Variants in FRMPD4 observed in about 807,000 individuals in gnomAD.
FRMPD4 encodes the protein FERM and PDZ domain-containing protein 4.
In FRMPD4, 22 loss-of-function variants were observed where a neutral mutation model predicts 94.1. That is an observed-to-expected ratio of 0.23 (90% CI 0.17 to 0.33). The LOEUF (loss-of-function observed/expected upper bound fraction) is 0.33. Among genes scored for constraint, FRMPD4 ranks in the 10% least tolerant of loss-of-function variants. The probability of loss-of-function intolerance (pLI) is 1.00; values close to 1 mark genes in which losing one functional copy is unlikely to be tolerated. For synonymous variants in FRMPD4, 631 were observed against 548.6 expected (o/e 1.15, Z -2.10); for missense variants, 1,111 against 1,339.9 (o/e 0.83, Z 2.67).
At chrX:11,854,076 A>T (rs1356265007) in intron 1 of FRMPD4, among the ~76,000 whole-genome samples, 1 of 112,046 alleles carries the variant, frequency 8.9e-6, no homozygotes, top group Non-Finnish European at 1.9e-5. Flanking sequence ...GGCCTCAGGA[A>T]ACTTACAATC....
intron 3 of FRMPD4, among the ~76,000 whole-genome samples, chrX:11,933,268 G>A (rs752467710): frequency 8.9e-6 from 1 of 112,032 alleles, no homozygotes; most frequent in Non-Finnish European, 1.9e-5. Flanking sequence ...CCTCTTTAAA[G>A]ATTTCTCACC....
At chrX:11,885,392 G>A (rs959113283) in intron 3 of FRMPD4, among the ~76,000 whole-genome samples, 15 of 110,696 alleles carry the variant, frequency 1.4e-4, no homozygotes, top group Non-Finnish European at 1.5e-4. Context: ...AGGGGCTGGG[G>A]GGTGGAAGAA....
chrX:12,389,170 A>G (rs138157705), intron 1 of FRMPD4, among the ~76,000 whole-genome samples: 274 of 109,684 alleles, frequency 2.5e-3, no homozygotes, highest in African/African-American at 8.8e-3. Context: ...AGTGTACTGT[A>G]CATTTCAAAA....
chrX:12,036,157 A>G (rs1311062546), intron 3 of FRMPD4, among the ~76,000 whole-genome samples: 1 of 111,891 alleles, frequency 8.9e-6, no homozygotes, highest in Non-Finnish European at 1.9e-5. Flanking sequence ...ATCTCCAATA[A>G]TAGAACCAAT....
At chrX:12,279,668 A>G (rs2054494564) in intron 1 of FRMPD4, among the ~76,000 whole-genome samples, 1 of 111,293 alleles carries the variant, frequency 9.0e-6, no homozygotes, top group Non-Finnish European at 1.9e-5. Context: ...GCTGTGTTCT[A>G]TATGTCTCTT....
chrX:12,355,685 C>T (rs2055884768), intron 1 of FRMPD4, among the ~76,000 whole-genome samples: 1 of 111,779 alleles, frequency 8.9e-6, no homozygotes, highest in Non-Finnish European at 1.9e-5. Flanking sequence ...GGCTCTTCCT[C>T]TCCAGCTTTC....
intron 3 of FRMPD4, among the ~76,000 whole-genome samples, chrX:11,895,003 G>C (rs1044180643): frequency 8.9e-6 from 1 of 112,349 alleles, no homozygotes; most frequent in African/African-American, 3.2e-5. Flanking sequence ...TGTCTAATGA[G>C]GGTTATCAGT....
chrX:11,824,286 C>T (rs1215377976), intron 1 of FRMPD4, among the ~76,000 whole-genome samples: 1 of 111,358 alleles, frequency 9.0e-6, no homozygotes, highest in Non-Finnish European at 1.9e-5. Flanking sequence ...TAAGTGGGGA[C>T]AGTTGGATAT....
chrX:12,704,441 C>A lies in FRMPD4; in HGVS notation c.1153C>A (p.His385Asn). 6 of 1,193,073 alleles carry A rather than the reference C, an allele frequency of 5.0e-6. No individual in the cohort carries two copies. Among genetic ancestry groups the A allele is most frequent in the Non-Finnish European group, 6.8e-6 (6 of 882,636 alleles). ...KEKNIKKALSHLVKANQNLVP... is the reference protein window; with the variant it reads ...KEKNIKKALSNLVKANQNLVP... Reference sequence around the variant, plus strand: ...GAAGAACATAAAGAAAGCACTTTCACACCTTGTCAAAGCAAATCAAAACTT... The same window carrying A: ...GAAGAACATAAAGAAAGCACTTTCAAACCTTGTCAAAGCAAATCAAAACTT... Residue 385 changes from histidine to asparagine, a missense_variant, in exon 11 of 17, where the codon CAC becomes AAC. His to Asn is a moderately conservative substitution (Grantham distance 68, BLOSUM62 1). Transcript: ENST00000675598.
In FRMPD4 at chrX:12,675,656, A is replaced by G. The variant is rs1339034299; in HGVS notation, c.468+748A>G. On this transcript the variant is annotated intron_variant, in intron 5 of 16. Coordinates refer to ENST00000675598, the MANE Select transcript of FRMPD4 (RefSeq NM_001368397.1). ...AACCGCTAATTTCCTTTCTATTTGT[A>G]TAGACTTGCCACTGCTTGCAAATTT... 2.7e-5 allele frequency among the ~76,000 whole-genome samples: 3 copies of G among 111,455 alleles called. No individual in the cohort carries two copies. The South Asian group carries it at 1.1e-3, about 42-fold the overall frequency.
intron 3 of FRMPD4, among the ~76,000 whole-genome samples, chrX:12,053,792 AC>A (rs1222626372): frequency 1.8e-5 from 2 of 112,241 alleles, no homozygotes; most frequent in African/African-American, 3.2e-5. Context: ...AGAAAAGCAT[AC>A]AAATTTATTT....
intron 1 of FRMPD4, among the ~76,000 whole-genome samples, chrX:12,331,115 G>A (rs755082641): frequency 4.0e-4 from 45 of 111,128 alleles, no homozygotes; most frequent in African/African-American, 1.4e-3. Context: ...TTTAGAAAGT[G>A]GGGGCAGCTG....
intron 3 of FRMPD4, among the ~76,000 whole-genome samples, chrX:11,927,765 C>G (rs1390864928): frequency 8.9e-6 from 1 of 111,939 alleles, no homozygotes; most frequent in Admixed American, 9.5e-5. Flanking sequence ...GATTAAACAC[C>G]TAACTGTAAA....
intron 1 of FRMPD4, among the ~76,000 whole-genome samples, chrX:12,290,349 T>A (rs1168349911): frequency 8.9e-6 from 1 of 112,518 alleles, no homozygotes; most frequent in Non-Finnish European, 1.9e-5. Context: ...TAAAAAACCA[T>A]GTGCTCAATT....
chrX:12,623,838 A>C (rs1355624831), intron 4 of FRMPD4, among the ~76,000 whole-genome samples: 1 of 112,188 alleles, frequency 8.9e-6, no homozygotes, highest in Non-Finnish European at 1.9e-5. Flanking sequence ...GAAACCTTGC[A>C]GGCCAGGAAT....
intron 2 of FRMPD4, among the ~76,000 whole-genome samples, chrX:12,550,834 T>TGTATGTAA (rs2058528554): frequency 2.3e-5 from 1 of 44,429 alleles, no homozygotes; most frequent in African/African-American, 5.6e-5. Context: ...TCTTTTAGAG[T>TGTATGTAA]GTATATAAGA....
At chrX:12,692,569 T>C (rs2060089347) in intron 8 of FRMPD4, among the ~76,000 whole-genome samples, 1 of 112,479 alleles carries the variant, frequency 8.9e-6, no homozygotes, top group Non-Finnish European at 1.9e-5. Context: ...ACATTATTTA[T>C]ATACTACTTA....
chrX:12,614,586 T>C (rs964466166), intron 3 of FRMPD4, among the ~76,000 whole-genome samples, 193 bp from the exon 4 acceptor site: 2 of 111,832 alleles, frequency 1.8e-5, no homozygotes, highest in Non-Finnish European at 3.8e-5. Context: ...CTGGGTCCCA[T>C]CCCGAAAGAT....
intron 2 of FRMPD4, among the ~76,000 whole-genome samples, chrX:12,511,709 G>A (rs1432166629): frequency 9.0e-6 from 1 of 111,235 alleles, no homozygotes; most frequent in Non-Finnish European, 1.9e-5. Flanking sequence ...GGAAAAGAGA[G>A]GGAGTAAGTG....
Sources: gnomAD v4.1 joint callset for allele counts (sites outside exome capture counted in the v4.1 genomes callset) on GRCh38, gnomAD v4.1.1 for gene constraint, MANE v1.5 for transcripts, NCBI Gene and HGNC (gene_info 2026-07-23, HGNC 2026-07-21) for gene names.